The following FXYD3 variants were observed in gnomAD, a reference collection of about 807,000 sequenced individuals.
FXYD3 encodes the protein FXYD domain-containing ion transport regulator 3.
Under a neutral mutation model 19.2 loss-of-function variants are expected in FXYD3, and 13 were observed. The ratio of observed to expected loss-of-function variants is 0.68; its 90% CI spans 0.44 to 1.08. The LOEUF (loss-of-function observed/expected upper bound fraction) is 1.08, where lower values mean the gene tolerates loss of function less well. Among genes scored for constraint, FXYD3 ranks in the 50% least tolerant of loss-of-function variants. The probability of loss-of-function intolerance (pLI) is 0.00; values close to 1 mark genes in which losing one functional copy is unlikely to be tolerated. For missense variants in FXYD3, 101 were observed against 109.4 expected (o/e 0.92, Z 0.34); for synonymous variants, 48 against 38.9 (o/e 1.23, Z -0.87).
intron 2 of FXYD3, chr19:35,117,503 G>A: frequency 3.4e-6 from 3 of 893,792 alleles, no homozygotes; most frequent in African/African-American, 1.8e-5. Flanking sequence ...GAGATTGAGC[G>A]AGTAAGTGGG....
intron 3 of FXYD3, 41 bp downstream of exon 3, chr19:35,119,457 CT>C: frequency 6.3e-7 from 1 of 1,581,122 alleles, no homozygotes; most frequent in Admixed American, 1.7e-5. Context: ...TCTGGATCCC[CT>C]GGATGCGGGG....
chr19:35,116,055 A>C, intron 1 of FXYD3, 96 bp downstream of exon 1: 2 of 174,916 alleles, frequency 1.1e-5, no homozygotes, highest in Non-Finnish European at 2.3e-5. Context: ...TCTCCTGGGC[A>C]CAGGAGATTG....
At chr19:35,123,354 G>GTT in intron 8 of FXYD3, 46 bp downstream of exon 8, 14 of 1,609,816 alleles carry the variant, frequency 8.7e-6, no homozygotes, top group Non-Finnish European at 1.2e-5. Flanking sequence ...GAAGTGGTGT[G>GTT]TGTGTGTGTG....
chr19:35,118,565 T>G, intron 2 of FXYD3: 1 of 991,046 alleles, frequency 1.0e-6, no homozygotes, highest in Non-Finnish European at 1.2e-6. Flanking sequence ...AAAGAGAAAG[T>G]GTTTGCTGTC....
chr19:35,120,529 A>G (rs1361111590), intron 3 of FXYD3, among the ~76,000 whole-genome samples: 6 of 152,224 alleles, frequency 3.9e-5, no homozygotes, highest in Admixed American at 3.9e-4. Context: ...TTACAGGCAC[A>G]CTTTTTGTCC....
intron 2 of FXYD3, chr19:35,116,584 G>A (rs2064890488): frequency 1.0e-6 from 1 of 985,332 alleles, no homozygotes; most frequent in Non-Finnish European, 1.2e-6. Flanking sequence ...GCTGAGGTGA[G>A]GGCAGGACTG....
At position 35,120,422 on chromosome 19, in the gene FXYD3, A is replaced by G. The variant is rs567856741; in HGVS notation, c.41-656A>G. ...TCCAAAGTTTTGGGATTACAGGCCT[A>G]AGCCACTGTGCCCAGCCCGCTTTTT... On this transcript the variant is annotated intron_variant, in intron 3 of 8. Coordinates refer to ENST00000604404, the MANE Select transcript of FXYD3 (RefSeq NM_005971.4). Among the ~76,000 whole-genome samples the G allele has an allele frequency of 2.5e-3, 378 of 152,248 alleles. 2 individuals carry two copies. The highest frequency in any genetic ancestry group is 4.0e-3 in the Non-Finnish European group (269 of 68,022).
In FXYD3 at chr19:35,123,444, C is replaced by G. The variant is rs961124869; in HGVS notation, c.251C>G (p.Ser84Ter). 5 of 1,614,034 alleles carry G rather than the reference C, an allele frequency of 3.1e-6. No individual in the cohort carries two copies. The Admixed American group carries it at 8.3e-5, about 27-fold the overall frequency. ...CGGACCCCATCACTTCCCGCAGGCT[C>G]AGCCCAAAGCTGATGAGGACAGACC... Reference protein sequence around the residue: ...GETPPLITPGSAQS With the variant: ...GETPPLITPG Residue 84 changes from serine to a stop codon, truncating the protein, a stop_gained, in exon 9 of 9, where the codon TCA becomes TGA. Coordinates refer to ENST00000604404, the MANE Select transcript of FXYD3 (RefSeq NM_005971.4). LOFTEE classifies it high-confidence loss of function.
Position 35,123,480 on chromosome 19 carries a change from G to T in FXYD3, c.*23G>T. On this transcript the variant is annotated 3_prime_UTR_variant, in exon 9 of 9. Coordinates refer to ENST00000604404, the MANE Select transcript of FXYD3 (RefSeq NM_005971.4). Reference sequence around the variant, plus strand: ...TGATGAGGACAGACCAGCTGAAATTGGGTGGAGGACCGTTCTCTGTCCCCA... The same window carrying T: ...TGATGAGGACAGACCAGCTGAAATTTGGTGGAGGACCGTTCTCTGTCCCCA... 1 of 1,613,980 alleles carries T rather than the reference G, an allele frequency of 6.2e-7. No individual in the cohort carries two copies. Among genetic ancestry groups the T allele is most frequent in the South Asian group, 1.1e-5 (1 of 91,056 alleles).
intron 5 of FXYD3, 112 bp from the exon 6 acceptor site, chr19:35,122,653 G>A (rs2065068646): frequency 1.2e-6 from 1 of 817,434 alleles, no homozygotes; most frequent in Non-Finnish European, 2.0e-6. Flanking sequence ...TTATGGCGGT[G>A]TCCCCAGCAC....
intron 2 of FXYD3, among the ~76,000 whole-genome samples, chr19:35,117,730 T>C (rs1271351516): frequency 1.5e-4 from 15 of 98,932 alleles, no homozygotes; most frequent in African/African-American, 3.2e-4. Context: ...TCAGTAATGC[T>C]CCCCAAAGCC....
Position 35,121,063 on chromosome 19 carries a change from C to T in FXYD3, c.41-15C>T. Reference sequence around the variant, plus strand: ...GGCATCACCATCTCCCCTCCTTCCCCTCTTCTCCCACTAGGCTTTCCTGTC... The same window carrying T: ...GGCATCACCATCTCCCCTCCTTCCCTTCTTCTCCCACTAGGCTTTCCTGTC... On this transcript the variant is annotated splice_polypyrimidine_tract_variant and intron_variant, in intron 3 of 8. Coordinates refer to ENST00000604404, the MANE Select transcript of FXYD3 (RefSeq NM_005971.4). 1.2e-6 allele frequency: 2 copies of T among 1,612,432 alleles called. No homozygotes were observed. Among genetic ancestry groups the T allele is most frequent in the South Asian group, 2.2e-5 (2 of 90,998 alleles).
At chr19:35,119,721 A>G (rs1307057444) in intron 3 of FXYD3, 2 of 455,344 alleles carry the variant, frequency 4.4e-6, no homozygotes, top group Non-Finnish European at 7.9e-6. Flanking sequence ...CTCAGGCTGG[A>G]GTGCAATGGC....
At chr19:35,121,157 T>C in intron 4 of FXYD3, 47 bp downstream of exon 4, 2 of 1,614,056 alleles carry the variant, frequency 1.2e-6, no homozygotes. Flanking sequence ...AATTCTCCCC[T>C]GGGTGGGGAA....
chr19:35,120,143 CT>C (rs35622565), intron 3 of FXYD3, among the ~76,000 whole-genome samples: 68 of 143,442 alleles, frequency 4.7e-4, no homozygotes, highest in African/African-American at 1.2e-3. Flanking sequence ...TTTTTCTTTT[CT>C]TTTTTTTTTT....
At chr19:35,118,666 G>T (rs2064959583) in intron 2 of FXYD3, 7 of 767,460 alleles carry the variant, frequency 9.1e-6, no homozygotes, top group Admixed American at 5.5e-5. Flanking sequence ...GGAAGGGCAT[G>T]GGTGTGGGAT....
At chr19:35,119,753 C>T (rs976158825) in intron 3 of FXYD3, 1 of 361,684 alleles carries the variant, frequency 2.8e-6, no homozygotes, top group African/African-American at 2.1e-5. Flanking sequence ...TCACTACAGC[C>T]TTGAACTCCT....
At chr19:35,116,739 A>T (rs2064894166) in intron 2 of FXYD3, 1 of 985,232 alleles carries the variant, frequency 1.0e-6, no homozygotes, top group South Asian at 4.7e-5. Context: ...GACTGGGGAC[A>T]TCTGGGTGGA....
At chr19:35,120,461 A>C (rs145626282) in intron 3 of FXYD3, among the ~76,000 whole-genome samples, 152 of 152,240 alleles carry the variant, frequency 1.0e-3, no homozygotes, top group African/African-American at 3.3e-3. Flanking sequence ...TTTTCACTGC[A>C]GCCTTGACCT....
Sources: allele counts gnomAD v4.1 joint callset (sites outside exome capture counted in the v4.1 genomes callset), GRCh38; gene constraint gnomAD v4.1.1; transcripts MANE v1.5; gene names NCBI Gene and HGNC (gene_info 2026-07-23, HGNC 2026-07-21).